The following CA12 variants were observed in gnomAD, a reference collection of about 807,000 sequenced individuals.
CA12 encodes the protein carbonate dehydratase XII.
A neutral mutation model predicts 46.8 loss-of-function variants in CA12; 36 were observed. The observed-to-expected ratio is 0.77, with a 90% CI of 0.59 to 1.02. CA12 has a LOEUF of 1.02. Among genes scored for constraint, CA12 ranks in the 50% least tolerant of loss-of-function variants. CA12 has a pLI of 0.00. For missense variants in CA12, 436 were observed against 451.4 expected (o/e 0.97, Z 0.31); for synonymous variants, 202 against 187.0 (o/e 1.08, Z -0.65).
intron 8 of CA12, among the ~76,000 whole-genome samples, chr15:63,336,856 CAG>C (rs1252554309): frequency 6.6e-6 from 1 of 152,158 alleles, no homozygotes; most frequent in Non-Finnish European, 1.5e-5. Flanking sequence ...GCTCAGAGAA[CAG>C]AGCCGGCAAT....
At position 63,327,351 on chromosome 15, in the gene CA12, T is replaced by C; in HGVS notation, c.908-118A>G. On this transcript the variant is annotated intron_variant, in intron 9 of 10. Coordinates refer to ENST00000178638, the MANE Select transcript of CA12 (RefSeq NM_001218.5). This position sits in a 1 kb window ranked among gnomAD's most constrained non-coding sequence, Gnocchi z 4.5. ...TAATCATCCACAGAAAGGAATAATTTCCCCATCCCTGTTCTCAGATTCTGG... is the reference window on the plus strand; with the variant it reads ...TAATCATCCACAGAAAGGAATAATTCCCCCATCCCTGTTCTCAGATTCTGG... 1.2e-6 allele frequency: 1 copy of C among 812,574 alleles called. No homozygotes were observed. Among genetic ancestry groups the C allele is most frequent in the Admixed American group, 2.0e-5 (1 of 49,432 alleles). 50.3% of individuals were successfully genotyped at this position (812,574 alleles called of 1,614,324 possible). A position where few individuals can be genotyped will look rare whatever the true frequency, so the allele number is the denominator to read the frequency against.
Position 63,328,174 on chromosome 15 carries a change from C to T in CA12, c.875-44G>A. The T allele has an allele frequency of 1.3e-6, 2 of 1,574,378 alleles. No individual in the cohort carries two copies. Among genetic ancestry groups the T allele is most frequent in the East Asian group, 2.2e-5 (1 of 44,690 alleles). On this transcript the variant is annotated intron_variant, in intron 8 of 10. Transcript: ENST00000178638. This position sits in a 1 kb window ranked among gnomAD's most constrained non-coding sequence, Gnocchi z 5.9. ...AAGACGAGGTTACTCTAGAGTCAAA[C>T]CACACTGGATTTGAGCAGCGTGTTG...
Position 63,345,435 on chromosome 15 carries a change from C to A in CA12, c.429+42G>T. On this transcript the variant is annotated intron_variant, in intron 4 of 10. Transcript: ENST00000178638. The surrounding 1 kb of genome is among the most constrained non-coding windows in gnomAD (Gnocchi z 4.3). ...CCAGGTCGAGAAGGTGCCACACCACCCACTGCAGAGCAGCCTCTGCCAGAC... is the reference window on the plus strand; with the variant it reads ...CCAGGTCGAGAAGGTGCCACACCACACACTGCAGAGCAGCCTCTGCCAGAC... The A allele has an allele frequency of 1.2e-6, 2 of 1,600,380 alleles. No homozygotes were observed. Among genetic ancestry groups the A allele is most frequent in the Non-Finnish European group, 1.7e-6 (2 of 1,179,340 alleles).
chr15:63,374,727 C>T lies in CA12; in HGVS notation c.106+931G>A, dbSNP rs1334358425. 1.3e-5 allele frequency among the ~76,000 whole-genome samples: 2 copies of T among 152,182 alleles called. No individual in the cohort carries two copies. The highest frequency in any genetic ancestry group is 6.5e-5 in the Admixed American group (1 of 15,276). On this transcript the variant is annotated intron_variant, in intron 2 of 10. Transcript: ENST00000178638. This position sits in a 1 kb window ranked among gnomAD's most constrained non-coding sequence, Gnocchi z 4.4. ...AATTGGTGTCAGATCTTTCTCTGGA[C>T]GGTGCTTCCACTGTAGTAATCAACT...
At position 63,339,864 on chromosome 15, in the gene CA12, C is replaced by G. The variant is rs1014237056; in HGVS notation, c.747+424G>C. Among the ~76,000 whole-genome samples the G allele has an allele frequency of 6.6e-6, 1 of 152,136 alleles. No individual in the cohort carries two copies. The highest frequency in any genetic ancestry group is 2.4e-5 in the African/African-American group (1 of 41,410). On this transcript the variant is annotated intron_variant, in intron 7 of 10. Coordinates refer to ENST00000178638, the MANE Select transcript of CA12 (RefSeq NM_001218.5). The surrounding 1 kb of genome is among the most constrained non-coding windows in gnomAD (Gnocchi z 4.3). ...GAGGTGATGGCTAAGGATTTTGTTCCCCAGTTTGCACTAGACCTTGAGCTT... is the reference window on the plus strand; with the variant it reads ...GAGGTGATGGCTAAGGATTTTGTTCGCCAGTTTGCACTAGACCTTGAGCTT...
Position 63,345,353 on chromosome 15 carries a change from T to G in CA12, c.429+124A>C, listed in dbSNP as rs1595781306. 6 of 1,246,312 alleles carry G rather than the reference T, an allele frequency of 4.8e-6. No individual in the cohort carries two copies. The highest frequency in any genetic ancestry group is 6.8e-6 in the Non-Finnish European group (6 of 884,462). 77.2% of individuals were successfully genotyped at this position (1,246,312 alleles called of 1,614,324 possible). A position where few individuals can be genotyped will look rare whatever the true frequency, so the allele number is the denominator to read the frequency against. On this transcript the variant is annotated intron_variant, in intron 4 of 10. Coordinates refer to ENST00000178638, the MANE Select transcript of CA12 (RefSeq NM_001218.5). The surrounding 1 kb of genome is among the most constrained non-coding windows in gnomAD (Gnocchi z 4.3). ...GCGCCCCTTGTGCCAGGGCCAGAGG[T>G]GGGGCAGAGAGCCTGAAGGCAGCCT...
Position 63,327,028 on chromosome 15 carries a change from C to G in CA12, c.992+121G>C, listed in dbSNP as rs137927499. 1 of 869,998 alleles carries G rather than the reference C, an allele frequency of 1.1e-6. No homozygotes were observed. The highest frequency in any genetic ancestry group is 1.9e-6 in the Non-Finnish European group (1 of 525,568). 53.9% of individuals were successfully genotyped at this position (869,998 alleles called of 1,614,324 possible). On this transcript the variant is annotated intron_variant, in intron 10 of 10. Coordinates refer to ENST00000178638, the MANE Select transcript of CA12 (RefSeq NM_001218.5). The surrounding 1 kb of genome is among the most constrained non-coding windows in gnomAD (Gnocchi z 4.5). ...CACGGGTGCTTTGGGGACGGCCCTCCTAGGGTAAGTGGTGGTCCAGGTGAC... is the reference window on the plus strand; with the variant it reads ...CACGGGTGCTTTGGGGACGGCCCTCGTAGGGTAAGTGGTGGTCCAGGTGAC...
chr15:63,375,798 ACTTTTT>A, intron 1 of CA12, 120 bp from the exon 2 acceptor site: 3 of 728,048 alleles, frequency 4.1e-6, no homozygotes, highest in South Asian at 1.6e-5. Context: ...AGAAATTGAA[ACTTTTT>A]CTTTTTCTTT....
chr15:63,340,735 G>T lies in CA12; in HGVS notation c.574C>A (p.His192Asn), dbSNP rs370295741. The change falls in exon 6 of 11, where the codon CAT becomes AAT. Residue 192 changes from histidine (H) to asparagine (N), a missense_variant. Coordinates refer to ENST00000178638, the MANE Select transcript of CA12 (RefSeq NM_001218.5). The surrounding 1 kb of genome is among the most constrained non-coding windows in gnomAD (Gnocchi z 4.4). ...GACCCCTCACCTTTGTACTTTACAT[G>T]TTGAAGGTGACTGAAGATCTTGTCA... is the stretch of plus-strand genomic sequence containing the variant. ...SYDKIFSHLQ[H>N]VKYKGQEAFV... The T allele has an allele frequency of 6.8e-5, 110 of 1,613,992 alleles. No homozygotes were observed. The highest frequency in any genetic ancestry group is 9.1e-5 in the Non-Finnish European group (107 of 1,179,924).
chr15:63,362,243 CAT>C (rs1258784582), intron 2 of CA12, among the ~76,000 whole-genome samples: 43 of 152,346 alleles, frequency 2.8e-4, no homozygotes, highest in Admixed American at 2.1e-3. Flanking sequence ...GTAAGCTTAA[CAT>C]GTGTTAATTA....
intron 8 of CA12, among the ~76,000 whole-genome samples, chr15:63,336,885 G>C (rs578219635): frequency 1.3e-5 from 2 of 152,106 alleles, no homozygotes; most frequent in African/African-American, 4.8e-5. Flanking sequence ...CTGGGATCGC[G>C]AGCAAAATTC....
At chr15:63,333,369 C>T (rs1485727195) in intron 8 of CA12, among the ~76,000 whole-genome samples, 1 of 152,302 alleles carries the variant, frequency 6.6e-6, no homozygotes, top group Non-Finnish European at 1.5e-5. Flanking sequence ...AAGATGACAC[C>T]CACCATGGGG....
chr15:63,328,189 G>T lies in CA12; in HGVS notation c.875-59C>A. ...TAGAGTCAAACCACACTGGATTTGA[G>T]CAGCGTGTTGAGAGACGCTCTACCA... is the stretch of plus-strand genomic sequence containing the variant. On this transcript the variant is annotated intron_variant, in intron 8 of 10. Coordinates refer to ENST00000178638, the MANE Select transcript of CA12 (RefSeq NM_001218.5). This position sits in a 1 kb window ranked among gnomAD's most constrained non-coding sequence, Gnocchi z 5.9. 2 of 1,481,960 alleles carry T rather than the reference G, an allele frequency of 1.3e-6. No individual in the cohort carries two copies. Among genetic ancestry groups the T allele is most frequent in the South Asian group, 1.1e-5 (1 of 88,258 alleles). 91.8% of individuals were successfully genotyped at this position (1,481,960 alleles called of 1,614,324 possible). A position where few individuals can be genotyped will look rare whatever the true frequency, so the allele number is the denominator to read the frequency against.
intron 4 of CA12, among the ~76,000 whole-genome samples, chr15:63,342,661 C>T (rs184598414): frequency 2.2e-4 from 34 of 152,274 alleles, no homozygotes; most frequent in Non-Finnish European, 4.4e-5. Flanking sequence ...CTCTTCCCAT[C>T]ATGGCCTGAA....
Position 63,341,851 on chromosome 15 carries a change from GCACTA to G in CA12, c.525+146_525+150del. ...CTGCCTCCAGGCCAAGAGAGAAGGT[GCACTA>G]CAGGAGGATACCCCCTGCTCTGGAG... On this transcript the variant is annotated intron_variant, in intron 5 of 10. Transcript: ENST00000178638. This position sits in a 1 kb window ranked among gnomAD's most constrained non-coding sequence, Gnocchi z 5.2. The G allele has an allele frequency of 1.5e-6, 1 of 679,524 alleles. No homozygotes were observed. Among genetic ancestry groups the G allele is most frequent in the Admixed American group, 2.0e-5 (1 of 48,804 alleles). 42.1% of individuals were successfully genotyped at this position (679,524 alleles called of 1,614,324 possible).
Position 63,338,918 on chromosome 15 carries a change from A to G in CA12, c.775T>C (p.Cys259Arg), listed in dbSNP as rs376849919. 1 of 1,614,226 alleles carries G rather than the reference A, an allele frequency of 6.2e-7. No homozygotes were observed. Among genetic ancestry groups the G allele is most frequent in the African/African-American group, 1.3e-5 (1 of 75,060 alleles). ...GGGGAAGGGTCGTCCATGTGTGTGC[A>G]GTACAGGGCTGTCTCCAAAGCCAGC... ...QLLALETALY[C>R]THMDDPSPRE... Residue 259 changes from cysteine (C) to arginine (R), a missense_variant, in exon 8 of 11, where the codon TGC (cysteine) becomes CGC (arginine). By Grantham distance (180) the Cys-to-Arg change is radical. Transcript: ENST00000178638.
chr15:63,356,015 G>A (rs73442960), intron 2 of CA12, among the ~76,000 whole-genome samples: 158 of 152,250 alleles, frequency 1.0e-3, no homozygotes, highest in African/African-American at 3.7e-3. Flanking sequence ...GATTAAATAT[G>A]GTGTTTGAAG....
In CA12 at chr15:63,375,487, A is replaced by G. The variant is rs958576043; in HGVS notation, c.106+171T>C. The G allele has an allele frequency of 6.4e-5, 37 of 577,834 alleles. No homozygotes were observed. In the Admixed American group the frequency reaches 1.1e-3, roughly 17 times the overall value. The allele number at this position is 577,834 out of a possible 1,614,324, so 35.8% of individuals were successfully genotyped here. On this transcript the variant is annotated intron_variant, in intron 2 of 10. Transcript: ENST00000178638. ...TTGGAGAAAGTGCAGTATGCAACCC[A>G]AGTTGAAGTGTTCTTAGGAGATGCC...
chr15:63,330,753 G>A lies in CA12; in HGVS notation c.875-2623C>T, dbSNP rs998441572. Among the ~76,000 whole-genome samples, 2 of 152,170 alleles carry A rather than the reference G, an allele frequency of 1.3e-5. No homozygotes were observed. The highest frequency in any genetic ancestry group is 1.5e-5 in the Non-Finnish European group (1 of 68,028). The stretch of plus-strand genomic sequence containing the variant: ...CTGGAGGGAGAGTCTGGCTTCCCCC[G>A]GTTATTACGCGGGGTTCCTGTTGGA... On this transcript the variant is annotated intron_variant, in intron 8 of 10. Transcript: ENST00000178638. This position sits in a 1 kb window ranked among gnomAD's most constrained non-coding sequence, Gnocchi z 4.0.
Sources: allele counts gnomAD v4.1 joint callset (sites outside exome capture counted in the v4.1 genomes callset), GRCh38; gene constraint gnomAD v4.1.1; non-coding constraint Gnocchi (gnomAD v3.1); transcripts MANE v1.5; gene names NCBI Gene and HGNC (gene_info 2026-07-23, HGNC 2026-07-21).